The following ARSB variants were observed in gnomAD, a reference collection of about 807,000 sequenced individuals.
ARSB encodes the protein N-acetylgalactosamine-4-sulfatase.
In ARSB, 41 loss-of-function variants were observed where a neutral mutation model predicts 50.9. The observed-to-expected ratio is 0.81, with a 90% CI of 0.63 to 1.04. The LOEUF (loss-of-function observed/expected upper bound fraction) is 1.04. Ranked by LOEUF, ARSB falls within the 50% of genes least tolerant of loss-of-function variation. The pLI, the probability that ARSB is intolerant of heterozygous loss-of-function variation, is 0.00. For missense variants in ARSB, 672 were observed against 693.3 expected, an observed-to-expected ratio of 0.97 and a Z score of 0.35; for synonymous variants, 269 against 284.8, an observed-to-expected ratio of 0.94 and a Z score of 0.56.
chr5:78,786,574 A>T (rs907900671), intron 6 of ARSB, among the ~76,000 whole-genome samples: 1 of 152,214 alleles, frequency 6.6e-6, no homozygotes, highest in African/African-American at 2.4e-5. Flanking sequence ...CCTTTCGAGT[A>T]ACTGCAGAGC....
At chr5:78,796,895 T>TTTTTTTA (rs1243038816) in intron 6 of ARSB, among the ~76,000 whole-genome samples, 1 of 149,208 alleles carries the variant, frequency 6.7e-6, no homozygotes, top group East Asian at 2.0e-4. Flanking sequence ...TTTTTTTTTT[T>TTTTTTTA]GAGACAGAGT....
At chr5:78,907,067 A>G (rs985660771) in intron 4 of ARSB, among the ~76,000 whole-genome samples, 1 of 152,170 alleles carries the variant, frequency 6.6e-6, no homozygotes, top group Non-Finnish European at 1.5e-5. Context: ...GTGAAAAAAT[A>G]CAAGACTGTA....
intron 4 of ARSB, among the ~76,000 whole-genome samples, chr5:78,937,969 T>A (rs1235309173): frequency 6.6e-6 from 1 of 152,210 alleles, no homozygotes; most frequent in African/African-American, 2.4e-5. Flanking sequence ...TGTCCATATC[T>A]GCTACACCCC....
At position 78,985,229 on chromosome 5, in the gene ARSB, G is replaced by A; in HGVS notation, c.20C>T (p.Ala7Val). The change falls in exon 1 of 8, where the codon GCG (alanine) becomes GTG (valine). Residue 7 changes from alanine (A) to valine (V), a missense_variant. Physicochemically the swap from Ala to Val is moderately conservative, Grantham distance 64. Transcript: ENST00000264914. ...AGGTCCGGGGCCTCGGGGCAAGCTC[G>A]CCGCGCCGCGCGGACCCATCCTTGT... Reference protein sequence around the residue: MGPRGAASLPRGPGPRR... With the variant: MGPRGAVSLPRGPGPRR... The A allele has an allele frequency of 1.5e-6, 2 of 1,330,136 alleles. No individual in the cohort carries two copies. The highest frequency in any genetic ancestry group is 1.9e-6 in the Non-Finnish European group (2 of 1,046,932). 82.4% of individuals were successfully genotyped at this position (1,330,136 alleles called of 1,614,324 possible). A position where few individuals can be genotyped will look rare whatever the true frequency, so the allele number is the denominator to read the frequency against.
At chr5:78,964,143 C>T (rs902586290) in intron 3 of ARSB, among the ~76,000 whole-genome samples, 1 of 152,086 alleles carries the variant, frequency 6.6e-6, no homozygotes, top group Admixed American at 6.5e-5. Flanking sequence ...GATCTGGGGA[C>T]CACTCTTAAG....
intron 4 of ARSB, among the ~76,000 whole-genome samples, chr5:78,946,814 T>G (rs1418217297): frequency 2.0e-5 from 3 of 152,074 alleles, no homozygotes; most frequent in Non-Finnish European, 4.4e-5. Context: ...AGACCCAGAA[T>G]AGCCAAAGCT....
intron 4 of ARSB, among the ~76,000 whole-genome samples, chr5:78,934,140 C>T (rs1750478504): frequency 6.6e-6 from 1 of 152,162 alleles, no homozygotes; most frequent in South Asian, 2.1e-4. Flanking sequence ...CCCTAGAAGA[C>T]CAAATAGCCC....
chr5:78,910,429 G>A (rs539024775), intron 4 of ARSB, among the ~76,000 whole-genome samples: 1 of 152,336 alleles, frequency 6.6e-6, no homozygotes, highest in South Asian at 2.1e-4. Context: ...AGAAATTAAT[G>A]TTGTATTAGT....
intron 6 of ARSB, among the ~76,000 whole-genome samples, chr5:78,808,225 A>C (rs937200026): frequency 1.3e-5 from 2 of 150,334 alleles, no homozygotes; most frequent in African/African-American, 4.9e-5. Context: ...CTTTATCTTT[A>C]CCTCCCACCC....
At chr5:78,895,848 G>A (rs924739272) in intron 4 of ARSB, among the ~76,000 whole-genome samples, 16 of 152,240 alleles carry the variant, frequency 1.1e-4, no homozygotes, top group Admixed American at 3.9e-4. Flanking sequence ...CTCAGAGCCA[G>A]GGGAAGAGAG....
At chr5:78,890,408 G>A (rs559570152) in intron 4 of ARSB, among the ~76,000 whole-genome samples, 2 of 152,016 alleles carry the variant, frequency 1.3e-5, no homozygotes, top group South Asian at 2.1e-4. Context: ...GTGCCACCAC[G>A]CTTGGCTACT....
chr5:78,826,053 CTTT>C (rs35428296), intron 6 of ARSB, among the ~76,000 whole-genome samples: 2 of 145,400 alleles, frequency 1.4e-5, no homozygotes, highest in Admixed American at 1.4e-4. Context: ...CTTTTTCTTT[CTTT>C]TTTTTTTTTT....
intron 6 of ARSB, among the ~76,000 whole-genome samples, chr5:78,830,139 G>A (rs897836429): frequency 1.3e-5 from 2 of 152,176 alleles, no homozygotes; most frequent in Non-Finnish European, 2.9e-5. Context: ...TGGAAGCTAT[G>A]GCTAAAATTT....
At position 78,921,926 on chromosome 5, in the gene ARSB, T is replaced by C. The variant is rs553376142; in HGVS notation, c.898+33369A>G. 1.6e-4 allele frequency among the ~76,000 whole-genome samples: 25 copies of C among 152,186 alleles called. No individual in the cohort carries two copies. In the South Asian group the frequency reaches 4.8e-3, roughly 29 times the overall value. ...CTTGGGGGAAGGAAGGTGTAGCGAT[T>C]GTGGGACTGTGCACTGGAACTCAGT... On this transcript the variant is annotated intron_variant, in intron 4 of 7. Transcript: ENST00000264914.
intron 4 of ARSB, among the ~76,000 whole-genome samples, chr5:78,918,166 A>C (rs750840111): frequency 6.6e-6 from 1 of 152,236 alleles, no homozygotes; most frequent in Non-Finnish European, 1.5e-5. Flanking sequence ...TTTATAGTTA[A>C]TATATCTGCA....
chr5:78,792,904 G>A (rs893826391), intron 6 of ARSB, among the ~76,000 whole-genome samples: 2 of 152,190 alleles, frequency 1.3e-5, no homozygotes, highest in Admixed American at 6.5e-5. Context: ...GGTATTGTTA[G>A]AAAATTATGT....
At chr5:78,846,186 G>A (rs1298570413) in intron 5 of ARSB, among the ~76,000 whole-genome samples, 3 of 152,038 alleles carry the variant, frequency 2.0e-5, no homozygotes, top group Admixed American at 6.6e-5. Context: ...AGGATCAGTA[G>A]GCTATACATA....
At chr5:78,851,311 T>C (rs1276451382) in intron 5 of ARSB, among the ~76,000 whole-genome samples, 1 of 152,228 alleles carries the variant, frequency 6.6e-6, no homozygotes, top group Non-Finnish European at 1.5e-5. Context: ...CTTCATTTCG[T>C]TAAGTACCCA....
intron 4 of ARSB, among the ~76,000 whole-genome samples, chr5:78,915,630 A>G (rs147880122): frequency 6.6e-6 from 1 of 152,344 alleles, no homozygotes; most frequent in Non-Finnish European, 1.5e-5. Flanking sequence ...CTACAGGTTG[A>G]ATACTCCTTG....
Sources: allele counts gnomAD v4.1 joint callset (sites outside exome capture counted in the v4.1 genomes callset), GRCh38; gene constraint gnomAD v4.1.1; transcripts MANE v1.5; gene names NCBI Gene and HGNC (gene_info 2026-07-23, HGNC 2026-07-21).